WWOX: variants seen among roughly 807,000 people sequenced by gnomAD.
The protein encoded by WWOX is WW domain-containing oxidoreductase.
Under a neutral mutation model 46.2 loss-of-function variants are expected in WWOX, and 69 were observed. That is an observed-to-expected ratio of 1.49 (90% CI 1.23 to 1.82). WWOX has a LOEUF of 1.82. Ranked by LOEUF, WWOX falls within the 40% of genes most tolerant of loss-of-function variation. The probability of loss-of-function intolerance (pLI) is 0.00; values close to 1 mark genes in which losing one functional copy is unlikely to be tolerated. For missense variants in WWOX, 919 were observed against 542.6 expected (o/e 1.69, Z -6.89); for synonymous variants, 359 against 202.6 (o/e 1.77, Z -6.56).
At chr16:78,619,435 A>G (rs933373900) in intron 8 of WWOX, among the ~76,000 whole-genome samples, 3 of 148,760 alleles carry the variant, frequency 2.0e-5, no homozygotes, top group Non-Finnish European at 3.0e-5. Context: ...ACAAATTTGT[A>G]CACACTGCAT....
At chr16:78,903,649 C>A (rs951017788) in intron 8 of WWOX, among the ~76,000 whole-genome samples, 2 of 152,170 alleles carry the variant, frequency 1.3e-5, no homozygotes, top group African/African-American at 4.8e-5. Context: ...GCTTTAGATT[C>A]CCTGCCTGCA....
intron 8 of WWOX, among the ~76,000 whole-genome samples, chr16:78,755,018 G>A (rs754102971): frequency 4.8e-4 from 72 of 151,282 alleles, no homozygotes; most frequent in Non-Finnish European, 6.9e-4. Flanking sequence ...GACAACGGGA[G>A]GGGGGAACAT....
intron 8 of WWOX, among the ~76,000 whole-genome samples, chr16:78,737,405 G>A (rs2049116677): frequency 6.6e-6 from 1 of 152,044 alleles, no homozygotes; most frequent in East Asian, 1.9e-4. Flanking sequence ...CCAAAGTGCT[G>A]GGATTACAGG....
chr16:78,284,588 T>A (rs12933480), intron 5 of WWOX, among the ~76,000 whole-genome samples: 47,567 of 152,094 alleles, frequency 0.31, 7,917 homozygotes, highest in East Asian at 0.51. Flanking sequence ...ATCTTTGAGG[T>A]GTTTGCAGAT....
chr16:78,302,884 G>T (rs761309291), intron 5 of WWOX, among the ~76,000 whole-genome samples: 2 of 152,138 alleles, frequency 1.3e-5, no homozygotes, highest in African/African-American at 4.8e-5. Context: ...GATGTTACTG[G>T]GTTGCTGCAG....
intron 8 of WWOX, among the ~76,000 whole-genome samples, chr16:79,130,916 C>T (rs1159960486): frequency 1.3e-5 from 2 of 152,186 alleles, no homozygotes; most frequent in Non-Finnish European, 2.9e-5. Flanking sequence ...GAAATGGCTG[C>T]ATGCCAACCG....
At chr16:78,262,093 C>T (rs552363402) in intron 5 of WWOX, among the ~76,000 whole-genome samples, 28 of 31,586 alleles carry the variant, frequency 8.9e-4, no homozygotes, top group Non-Finnish European at 1.4e-3. Context: ...GAATGAAACT[C>T]TGTCAAAAAA....
chr16:79,207,033 C>T (rs532818472), intron 8 of WWOX, among the ~76,000 whole-genome samples: 2 of 152,266 alleles, frequency 1.3e-5, no homozygotes, highest in South Asian at 2.1e-4. Context: ...GAGATGACCT[C>T]TGCACTGTTC....
chr16:78,349,157 G>A lies in WWOX; in HGVS notation c.517-37703G>A, dbSNP rs1352352507. 2.5e-5 allele frequency among the ~76,000 whole-genome samples: 3 copies of A among 120,882 alleles called. 1 individual carries two copies. Among genetic ancestry groups the A allele is most frequent in the Middle Eastern group, 8.1e-3 (2 of 248 alleles). 79.3% of individuals were successfully genotyped at this position (120,882 alleles called of 152,430 possible). A position where few individuals can be genotyped will look rare whatever the true frequency, so the allele number is the denominator to read the frequency against. On this transcript the variant is annotated intron_variant, in intron 5 of 8. Transcript: ENST00000566780. ...GCTTGCAGACAGCCGCCTTCCCACC[G>A]TGTTCTCACGTGACCTAGCCGCTGT...
chr16:78,316,109 T>G (rs1007101645), intron 5 of WWOX, among the ~76,000 whole-genome samples: 1 of 151,808 alleles, frequency 6.6e-6, no homozygotes, highest in African/African-American at 2.4e-5. Context: ...ATCAGGCATG[T>G]TAGCATGCAC....
At chr16:78,383,200 G>A (rs2081992203) in intron 5 of WWOX, among the ~76,000 whole-genome samples, 1 of 151,964 alleles carries the variant, frequency 6.6e-6, no homozygotes, top group South Asian at 2.1e-4. Context: ...GGGACACAGA[G>A]CCAAACCACA....
chr16:78,528,290 A>G (rs1473003300), intron 8 of WWOX, among the ~76,000 whole-genome samples: 4 of 149,948 alleles, frequency 2.7e-5, no homozygotes, highest in Admixed American at 6.7e-5. Context: ...CTGGGATTAC[A>G]GACATGAGCC....
intron 4 of WWOX, among the ~76,000 whole-genome samples, chr16:78,137,456 C>T (rs1370048771): frequency 6.6e-6 from 1 of 152,162 alleles, no homozygotes; most frequent in East Asian, 1.9e-4. Context: ...ATGAAAGCAA[C>T]TAGTGTGGTG....
intron 8 of WWOX, among the ~76,000 whole-genome samples, chr16:79,174,306 A>T (rs2050757704): frequency 6.6e-6 from 1 of 152,166 alleles, no homozygotes. Flanking sequence ...TCCCCCAAAT[A>T]CAATAATTAG....
intron 8 of WWOX, among the ~76,000 whole-genome samples, chr16:79,179,905 C>T (rs1597450948): frequency 6.6e-6 from 1 of 152,172 alleles, no homozygotes; most frequent in East Asian, 1.9e-4. Flanking sequence ...GGAATTACAG[C>T]ATAGATGTGA....
chr16:78,304,832 C>G (rs2080102285), intron 5 of WWOX, among the ~76,000 whole-genome samples: 2 of 152,156 alleles, frequency 1.3e-5, no homozygotes, highest in Non-Finnish European at 2.9e-5. Flanking sequence ...ATATGGCCAA[C>G]TTTCTCTCTG....
intron 8 of WWOX, among the ~76,000 whole-genome samples, chr16:78,869,807 G>T (rs1567615522): frequency 6.6e-6 from 1 of 152,232 alleles, no homozygotes; most frequent in African/African-American, 2.4e-5. Flanking sequence ...GCAGAGAGAA[G>T]ACTCAGCATT....
intron 5 of WWOX, among the ~76,000 whole-genome samples, chr16:78,331,868 T>TC (rs1319398298): frequency 6.6e-6 from 1 of 152,068 alleles, no homozygotes; most frequent in Non-Finnish European, 1.5e-5. Context: ...TTCAAATTAT[T>TC]CCCCCCTTTA....
chr16:79,019,157 C>CAAAAAAAAAAAAAAAAAAAAA (rs903333994), intron 8 of WWOX, among the ~76,000 whole-genome samples: 6 of 24,572 alleles, frequency 2.4e-4, no homozygotes, highest in African/African-American at 3.1e-4. Context: ...GACCTTGTCT[C>CAAAAAAAAAAAAAAAAAAAAA]AAAAAAAAAA....
Sources: allele counts gnomAD v4.1 joint callset (sites outside exome capture counted in the v4.1 genomes callset), GRCh38; gene constraint gnomAD v4.1.1; transcripts MANE v1.5; gene names NCBI Gene and HGNC (gene_info 2026-07-23, HGNC 2026-07-21).